The following MTRF1 variants were observed in gnomAD, a reference collection of about 807,000 sequenced individuals.
MTRF1 encodes the protein peptide chain release factor 1, mitochondrial.
In MTRF1, 51 loss-of-function variants were observed where a neutral mutation model predicts 62.9. The observed-to-expected ratio is 0.81, with a 90% CI of 0.65 to 1.02. The LOEUF (loss-of-function observed/expected upper bound fraction) is 1.02, where lower values mean the gene tolerates loss of function less well. Among genes scored for constraint, MTRF1 ranks in the 50% least tolerant of loss-of-function variants. The probability of loss-of-function intolerance (pLI) is 0.00; values close to 1 mark genes in which losing one functional copy is unlikely to be tolerated. For synonymous variants in MTRF1, 158 were observed against 181.9 expected, an observed-to-expected ratio of 0.87 and a Z score of 1.06; for missense variants, 446 against 530.0, an observed-to-expected ratio of 0.84 and a Z score of 1.56.
chr13:41,227,570 G>T (rs2034677517), intron 7 of MTRF1, among the ~76,000 whole-genome samples: 1 of 152,114 alleles, frequency 6.6e-6, no homozygotes, highest in Non-Finnish European at 1.5e-5. Context: ...CACTTCTTGA[G>T]GCTGTGTTGT....
intron 5 of MTRF1, among the ~76,000 whole-genome samples, chr13:41,251,518 C>G (rs1288048583): frequency 6.6e-6 from 1 of 152,106 alleles, no homozygotes; most frequent in Non-Finnish European, 1.5e-5. Context: ...CCCCACACAC[C>G]AAGACCTCTC....
the MTRF1 span, among the ~76,000 whole-genome samples, chr13:41,272,074 A>C: frequency 6.6e-6 from 1 of 152,308 alleles, no homozygotes; most frequent in East Asian, 1.9e-4. Flanking sequence ...ATCCTCTCAC[A>C]GTACAAAGTA....
chr13:41,280,847 C>T, the MTRF1 span, among the ~76,000 whole-genome samples: 7,957 of 152,248 alleles, frequency 0.052, 279 homozygotes, highest in Non-Finnish European at 0.073. Context: ...CCTAGGAATC[C>T]TGGCATAAGG....
rs369950619 is a variant in MTRF1, at chr13:41,229,235, G to A, written c.989-2667C>T. The stretch of plus-strand genomic sequence containing the variant: ...CATGTAATAATTGTACATATTTATG[G>A]GATATAGAGTGGTATTTCGATACAA... On this transcript the variant is annotated intron_variant, in intron 7 of 9. Coordinates refer to ENST00000379480, the MANE Select transcript of MTRF1 (RefSeq NM_004294.4). 12 of 152,238 alleles carry A rather than the reference G, an allele frequency of 7.9e-5. No individual in the cohort carries two copies. In the East Asian group the frequency reaches 1.2e-3, roughly 15 times the overall value. The allele number at this position is 152,238 out of a possible 1,614,324, so 9.4% of individuals were successfully genotyped here.
intron 8 of MTRF1, 60 bp from the exon 9 acceptor site, chr13:41,223,414 A>G: frequency 6.7e-6 from 9 of 1,343,148 alleles, no homozygotes; most frequent in Non-Finnish European, 9.5e-6. Context: ...ATTACAATGG[A>G]AAAAGCACTT....
the MTRF1 span, among the ~76,000 whole-genome samples, chr13:41,300,392 C>G: frequency 2.0e-5 from 3 of 152,228 alleles, no homozygotes; most frequent in East Asian, 5.8e-4. Flanking sequence ...CGAGACCATC[C>G]TGGCCAACAT....
intron 2 of MTRF1, among the ~76,000 whole-genome samples, chr13:41,259,463 G>C (rs113918090): frequency 6.6e-6 from 1 of 152,076 alleles, no homozygotes; most frequent in African/African-American, 2.4e-5. Flanking sequence ...ACATTGGGAG[G>C]CCAAGGTGGG....
Position 41,234,008 on chromosome 13 carries a change from C to G in MTRF1, c.871-1G>C. On this transcript the variant is annotated splice_acceptor_variant, in intron 6 of 9. Coordinates refer to ENST00000379480, the MANE Select transcript of MTRF1 (RefSeq NM_004294.4). LOFTEE classifies it high-confidence loss of function. Reference sequence around the variant, plus strand: ...CCTTGGGGTCCAATTTCACATCCACCTAGAACAGAAGGCATGGCATAATTC... The same window carrying G: ...CCTTGGGGTCCAATTTCACATCCACGTAGAACAGAAGGCATGGCATAATTC... The G allele has an allele frequency of 1.2e-6, 2 of 1,605,756 alleles. No homozygotes were observed. The highest frequency in any genetic ancestry group is 1.7e-6 in the Non-Finnish European group (2 of 1,172,462).
the MTRF1 span, among the ~76,000 whole-genome samples, chr13:41,271,054 TACAC>T: frequency 0.072 from 10,271 of 143,248 alleles, 375 homozygotes; most frequent in Middle Eastern, 0.09. Flanking sequence ...GCCTTTTAAA[TACAC>T]ACACACACAC....
intron 7 of MTRF1, among the ~76,000 whole-genome samples, chr13:41,233,277 T>C (rs938481147): frequency 2.0e-5 from 3 of 152,212 alleles, no homozygotes; most frequent in Non-Finnish European, 2.9e-5. Flanking sequence ...AAATGGGAAC[T>C]GAGAGTAGAG....
chr13:41,286,993 T>G, the MTRF1 span, among the ~76,000 whole-genome samples: 1 of 152,180 alleles, frequency 6.6e-6, no homozygotes, highest in Admixed American at 6.6e-5. Flanking sequence ...GAAACTACAG[T>G]TTTCCCAAAG....
At chr13:41,303,393 AT>A in the MTRF1 span, among the ~76,000 whole-genome samples, 1 of 152,306 alleles carries the variant, frequency 6.6e-6, no homozygotes, top group South Asian at 2.1e-4. Flanking sequence ...GAATTTATTA[AT>A]TTTGTATTGC....
At chr13:41,259,712 A>AACAAAAACAAAAACAAAAAAAAAC (rs2040193345) in intron 2 of MTRF1, among the ~76,000 whole-genome samples, 6 of 136,766 alleles carry the variant, frequency 4.4e-5, no homozygotes, top group Admixed American at 1.5e-4. Context: ...AAAAAAAAAA[A>AACAAAAACAAAAACAAAAAAAAAC]AAAAAAAAAC....
the MTRF1 span, among the ~76,000 whole-genome samples, chr13:41,310,781 A>C: frequency 0.013 from 1,985 of 152,306 alleles, 22 homozygotes; most frequent in South Asian, 0.049. Context: ...GAAAGAAAAC[A>C]AGTTCATCTT....
At chr13:41,280,504 G>A in the MTRF1 span, among the ~76,000 whole-genome samples, 3 of 151,574 alleles carry the variant, frequency 2.0e-5, no homozygotes, top group South Asian at 2.1e-4. Context: ...GCTGTGTCAC[G>A]GGCTGTGGTC....
Position 41,260,530 on chromosome 13 carries a change from A to C in MTRF1, c.378T>G (p.Thr126=). The change falls in exon 2 of 10, where the codon ACT becomes ACG. Residue 126 remains threonine (T), a synonymous_variant. Coordinates refer to ENST00000379480, the MANE Select transcript of MTRF1 (RefSeq NM_004294.4). ...ATTCTAATTCTTCAATTGCTTGTTC[A>C]GTCTCCTGAATTTCTTGGTAAATGG... is the stretch of plus-strand genomic sequence containing the variant. ...LAAIYQEIQE[T]EQAIEELESM... 1 of 1,613,776 alleles carries C rather than the reference A, an allele frequency of 6.2e-7. No individual in the cohort carries two copies. Among genetic ancestry groups the C allele is most frequent in the Non-Finnish European group, 8.5e-7 (1 of 1,179,868 alleles).
intron 9 of MTRF1, among the ~76,000 whole-genome samples, chr13:41,220,337 A>C (rs529190802): frequency 1.4e-4 from 22 of 151,912 alleles, no homozygotes; most frequent in African/African-American, 5.1e-4. Flanking sequence ...AAAAAAAAAA[A>C]AAAAAAAAAC....
the MTRF1 span, among the ~76,000 whole-genome samples, chr13:41,282,335 T>C: frequency 6.6e-6 from 1 of 152,022 alleles, no homozygotes; most frequent in Non-Finnish European, 1.5e-5. Context: ...CATGTGCCTA[T>C]ACTTCCAGCT....
At chr13:41,273,577 G>A in the MTRF1 span, among the ~76,000 whole-genome samples, 2 of 151,744 alleles carry the variant, frequency 1.3e-5, no homozygotes, top group Non-Finnish European at 2.9e-5. Flanking sequence ...AGATGAGCTG[G>A]GTGTAATCCC....
Sources: gnomAD v4.1 joint callset for allele counts (sites outside exome capture counted in the v4.1 genomes callset) on GRCh38, gnomAD v4.1.1 for gene constraint, MANE v1.5 for transcripts, NCBI Gene and HGNC (gene_info 2026-07-23, HGNC 2026-07-21) for gene names.